Variants in ARHGAP31 observed in about 807,000 individuals in gnomAD.
ARHGAP31 encodes Rho GTPase activating protein 31.
Under a neutral mutation model 113.9 loss-of-function variants are expected in ARHGAP31, and 34 were observed. The ratio of observed to expected loss-of-function variants is 0.30; its 90% CI spans 0.23 to 0.40. The LOEUF is 0.40. Among genes scored for constraint, ARHGAP31 ranks in the 10% least tolerant of loss-of-function variants. The pLI is 1.00. For missense variants in ARHGAP31, 1,548 were observed against 1,767.1 expected (o/e 0.88, Z 2.22); for synonymous variants, 650 against 684.8 (o/e 0.95, Z 0.79).
chr3:119,415,592 A>G lies in ARHGAP31; in HGVS notation c.3663A>G (p.Ser1221=). The G allele has an allele frequency of 6.2e-7, 1 of 1,614,124 alleles. No individual in the cohort carries two copies. The highest frequency in any genetic ancestry group is 1.1e-5 in the South Asian group (1 of 91,070). The change falls in exon 12 of 12, where the codon TCA becomes TCG. Residue 1221 remains serine (S), a synonymous_variant. Transcript: ENST00000264245. ...QIPQPLPSQS[S]GENGVQPLER... ...CACAGCCCCTGCCCTCTCAGAGCTCAGGGGAGAATGGGGTTCAGCCTCTGG... is the reference window on the plus strand; with the variant it reads ...CACAGCCCCTGCCCTCTCAGAGCTCGGGGGAGAATGGGGTTCAGCCTCTGG...
intron 2 of ARHGAP31, among the ~76,000 whole-genome samples, chr3:119,367,725 G>T (rs1408768039): frequency 1.3e-5 from 2 of 152,038 alleles, no homozygotes; most frequent in Non-Finnish European, 2.9e-5. Flanking sequence ...GGGTATGGTG[G>T]CGGGCGCCTG....
intron 1 of ARHGAP31, among the ~76,000 whole-genome samples, chr3:119,310,093 C>T (rs2079665990): frequency 1.3e-5 from 2 of 152,190 alleles, no homozygotes; most frequent in South Asian, 4.1e-4. Context: ...CAGTCCGTCA[C>T]ACTACACGGT....
chr3:119,323,897 G>C (rs1185365817), intron 1 of ARHGAP31, among the ~76,000 whole-genome samples: 1 of 152,162 alleles, frequency 6.6e-6, no homozygotes, highest in African/African-American at 2.4e-5. Flanking sequence ...CTGTTAACGC[G>C]GTTTCCACAT....
chr3:119,377,102 A>G (rs62266692), intron 3 of ARHGAP31, among the ~76,000 whole-genome samples: 19,985 of 152,244 alleles, frequency 0.13, 1,336 homozygotes, highest in East Asian at 0.2. Context: ...AAAGCAAAAT[A>G]TTGACTCATT....
intron 7 of ARHGAP31, among the ~76,000 whole-genome samples, chr3:119,391,747 A>G (rs2080507027): frequency 6.6e-6 from 1 of 152,168 alleles, no homozygotes; most frequent in Admixed American, 6.5e-5. Context: ...GAAAACAGGT[A>G]TGAAAACAGG....
intron 1 of ARHGAP31, among the ~76,000 whole-genome samples, chr3:119,306,506 G>A (rs1431121450): frequency 4.6e-5 from 7 of 152,150 alleles, no homozygotes; most frequent in African/African-American, 1.7e-4. Flanking sequence ...GCAGTAAGCC[G>A]AGATCGCACC....
rs561324826 is a variant in ARHGAP31, at chr3:119,399,274, A to C, written c.1069+13A>C. 6.2e-7 allele frequency: 1 copy of C among 1,607,752 alleles called. No homozygotes were observed. The highest frequency in any genetic ancestry group is 1.3e-5 in the African/African-American group (1 of 74,924). On this transcript the variant is annotated intron_variant, in intron 9 of 11. Transcript: ENST00000264245. ...GTGCCTGTGGAAGGTAAGATTTTACAAGTAGTTTCTGAGTTGGAGATTACA... is the reference window on the plus strand; with the variant it reads ...GTGCCTGTGGAAGGTAAGATTTTACCAGTAGTTTCTGAGTTGGAGATTACA...
intron 6 of ARHGAP31, 22 bp from the exon 7 acceptor site, chr3:119,390,763 A>G (rs1356642129): frequency 6.2e-7 from 1 of 1,609,820 alleles, no homozygotes; most frequent in Non-Finnish European, 8.5e-7. Context: ...TCCAACACTG[A>G]GCTCTTCCAT....
At chr3:119,389,989 C>T (rs1332588794) in intron 6 of ARHGAP31, among the ~76,000 whole-genome samples, 3 of 152,186 alleles carry the variant, frequency 2.0e-5, no homozygotes, top group Admixed American at 2.0e-4. Flanking sequence ...GTAGCACTGC[C>T]ACACACATTG....
chr3:119,396,029 A>G (rs2080547912), intron 8 of ARHGAP31, among the ~76,000 whole-genome samples: 1 of 152,232 alleles, frequency 6.6e-6, no homozygotes, highest in Admixed American at 6.5e-5. Context: ...CAGTTGCAGA[A>G]TCAGTGGTAC....
At chr3:119,391,159 C>G (rs2241994) in intron 7 of ARHGAP31, among the ~76,000 whole-genome samples, 176 bp downstream of exon 7, 12 of 152,072 alleles carry the variant, frequency 7.9e-5, no homozygotes, top group African/African-American at 2.9e-4. Flanking sequence ...CTCTCACCAG[C>G]AGTTGATGCC....
chr3:119,393,861 A>T (rs1317995814), intron 8 of ARHGAP31, among the ~76,000 whole-genome samples: 3 of 152,208 alleles, frequency 2.0e-5, no homozygotes, highest in Admixed American at 2.0e-4. Flanking sequence ...ATATTGATAC[A>T]ATACTCCTAA....
intron 1 of ARHGAP31, among the ~76,000 whole-genome samples, chr3:119,326,580 A>C (rs1394729904): frequency 6.6e-6 from 1 of 152,224 alleles, no homozygotes; most frequent in Admixed American, 6.5e-5. Flanking sequence ...AGTATAACTG[A>C]TGGGGAGAAG....
intron 9 of ARHGAP31, among the ~76,000 whole-genome samples, chr3:119,401,095 C>T (rs1168633893): frequency 6.7e-6 from 1 of 149,430 alleles, no homozygotes; most frequent in South Asian, 2.1e-4. Context: ...CACTTCAACC[C>T]GGGAGGTGGA....
intron 3 of ARHGAP31, among the ~76,000 whole-genome samples, chr3:119,369,933 TAGG>T (rs2080282657): frequency 6.8e-6 from 1 of 147,452 alleles, no homozygotes; most frequent in Admixed American, 6.8e-5. Context: ...AATCAAGAAA[TAGG>T]GGGAGAAATG....
At chr3:119,323,506 T>C (rs1285157864) in intron 1 of ARHGAP31, among the ~76,000 whole-genome samples, 6 of 152,104 alleles carry the variant, frequency 3.9e-5, no homozygotes, top group African/African-American at 1.2e-4. Context: ...TCTTCTTCTT[T>C]TTTTTTTAAC....
chr3:119,406,455 T>A (rs1179648221), intron 10 of ARHGAP31, among the ~76,000 whole-genome samples: 1 of 152,256 alleles, frequency 6.6e-6, no homozygotes, highest in Non-Finnish European at 1.5e-5. Flanking sequence ...TTGCACGTCA[T>A]GGCATTATTT....
chr3:119,391,597 CTCCCCCCCG>C, intron 7 of ARHGAP31, among the ~76,000 whole-genome samples: 1 of 94,942 alleles, frequency 1.1e-5, no homozygotes, highest in East Asian at 3.9e-4. Flanking sequence ...CTACCCCCCC[CTCCCCCCCG>C]CCGTCACTCA....
chr3:119,396,768 G>A (rs1577028284), intron 8 of ARHGAP31, among the ~76,000 whole-genome samples: 1 of 152,154 alleles, frequency 6.6e-6, no homozygotes, highest in African/African-American at 2.4e-5. Context: ...GATTGTTTTG[G>A]GTGGGGAGGA....
Sources: gnomAD v4.1 joint callset for allele counts (sites outside exome capture counted in the v4.1 genomes callset) on GRCh38, gnomAD v4.1.1 for gene constraint, MANE v1.5 for transcripts, NCBI Gene and HGNC (gene_info 2026-07-23, HGNC 2026-07-21) for gene names.